Variants in SLC24A2 observed in about 807,000 individuals in gnomAD.
SLC24A2 encodes the protein sodium/potassium/calcium exchanger 2.
SLC24A2 carries 36 observed loss-of-function variants against 62.0 expected under a neutral mutation model. That is an observed-to-expected ratio of 0.58 (90% CI 0.44 to 0.77). The LOEUF (loss-of-function observed/expected upper bound fraction) is 0.77, where lower values mean the gene tolerates loss of function less well. Ranked by LOEUF, SLC24A2 falls within the 30% of genes least tolerant of loss-of-function variation. The pLI is 0.00. For synonymous variants in SLC24A2, 358 were observed against 294.0 expected (o/e 1.22, Z -2.23); for missense variants, 846 against 817.9 (o/e 1.03, Z -0.42).
the SLC24A2 span, among the ~76,000 whole-genome samples, chr9:20,072,595 T>C: frequency 3.9e-5 from 6 of 152,094 alleles, no homozygotes; most frequent in Non-Finnish European, 7.4e-5. Context: ...GCAGATATGA[T>C]TAAGTCAGAT....
At chr9:19,589,070 G>A (rs1836467469) in intron 5 of SLC24A2, among the ~76,000 whole-genome samples, 1 of 152,184 alleles carries the variant, frequency 6.6e-6, no homozygotes, top group Non-Finnish European at 1.5e-5. Context: ...ATTTTGAAAT[G>A]TGTATACTCT....
At chr9:19,820,514 T>C in the SLC24A2 span, among the ~76,000 whole-genome samples, 1 of 150,904 alleles carries the variant, frequency 6.6e-6, no homozygotes, top group Non-Finnish European at 1.5e-5. Flanking sequence ...CCCAAAAACC[T>C]ATGGAAATAA....
chr9:19,570,339 C>T (rs994798246), intron 7 of SLC24A2, among the ~76,000 whole-genome samples: 7 of 152,176 alleles, frequency 4.6e-5, no homozygotes, highest in Admixed American at 1.3e-4. Context: ...CTTTGAGGGA[C>T]AAACTCCGAC....
chr9:20,153,043 T>C, the SLC24A2 span, among the ~76,000 whole-genome samples: 3 of 151,916 alleles, frequency 2.0e-5, no homozygotes, highest in Non-Finnish European at 2.9e-5. Flanking sequence ...AGTTAAAACA[T>C]TTAAAAGCAA....
chr9:19,766,398 A>G (rs1261489888), intron 2 of SLC24A2, among the ~76,000 whole-genome samples: 1 of 152,166 alleles, frequency 6.6e-6, no homozygotes, highest in African/African-American at 2.4e-5. Flanking sequence ...TGGAATTTTT[A>G]GCCTACTTGC....
chr9:19,880,545 G>C, the SLC24A2 span, among the ~76,000 whole-genome samples: 1 of 152,214 alleles, frequency 6.6e-6, no homozygotes, highest in Non-Finnish European at 1.5e-5. Context: ...AAGTCAATGT[G>C]AAAATCTAGG....
chr9:19,524,418 C>CAAAAAAAAAAAAAAAGA (rs1833341773), intron 9 of SLC24A2, among the ~76,000 whole-genome samples: 1 of 119,056 alleles, frequency 8.4e-6, no homozygotes, highest in Non-Finnish European at 1.8e-5. Context: ...AAGATAAAGG[C>CAAAAAAAAAAAAAAAGA]AAAAAAAAAA....
the SLC24A2 span, among the ~76,000 whole-genome samples, chr9:19,851,414 A>T: frequency 6.6e-6 from 1 of 151,902 alleles, no homozygotes; most frequent in Non-Finnish European, 1.5e-5. Context: ...TGCCATGGTG[A>T]TTTGTTGCAC....
the SLC24A2 span, among the ~76,000 whole-genome samples, chr9:19,991,584 G>T: frequency 7.9e-5 from 12 of 152,136 alleles, no homozygotes; most frequent in Non-Finnish European, 1.6e-4. Flanking sequence ...GAATTCTCTG[G>T]GTGCCTTGAA....
chr9:19,986,838 A>G, the SLC24A2 span, among the ~76,000 whole-genome samples: 1 of 152,280 alleles, frequency 6.6e-6, no homozygotes, highest in Non-Finnish European at 1.5e-5. Flanking sequence ...TGGGGTGATA[A>G]TAATGTGTTG....
intron 2 of SLC24A2, among the ~76,000 whole-genome samples, chr9:19,644,943 G>C (rs1420518733): frequency 2.0e-5 from 3 of 152,008 alleles, no homozygotes; most frequent in Non-Finnish European, 4.4e-5. Flanking sequence ...CATGCATTAA[G>C]CATAAATTGG....
chr9:19,552,151 T>G (rs1286537055), intron 7 of SLC24A2, among the ~76,000 whole-genome samples: 4 of 152,240 alleles, frequency 2.6e-5, no homozygotes, highest in Admixed American at 6.5e-5. Context: ...TCCATTGCTT[T>G]CTTTCTTCCA....
the SLC24A2 span, among the ~76,000 whole-genome samples, chr9:20,082,081 C>G: frequency 3.9e-5 from 6 of 152,178 alleles, no homozygotes; most frequent in African/African-American, 1.4e-4. Flanking sequence ...CTCCATCAAT[C>G]TTATGCCAAA....
the SLC24A2 span, among the ~76,000 whole-genome samples, chr9:20,153,030 T>G: frequency 5.3e-5 from 8 of 151,810 alleles, no homozygotes; most frequent in Non-Finnish European, 1.2e-4. Context: ...CAAACAGAGC[T>G]TAAGTTAAAA....
At chr9:19,943,658 A>G in the SLC24A2 span, among the ~76,000 whole-genome samples, 3 of 152,206 alleles carry the variant, frequency 2.0e-5, no homozygotes, top group African/African-American at 7.2e-5. Flanking sequence ...ATGTTCTGCT[A>G]ATCTATCTGT....
chr9:19,838,876 C>T, the SLC24A2 span, among the ~76,000 whole-genome samples: 13,169 of 151,588 alleles, frequency 0.087, 631 homozygotes, highest in African/African-American at 0.14. Context: ...CAACAAAAGC[C>T]GAAATTGACA....
chr9:19,763,783 T>C (rs1822421910), intron 2 of SLC24A2, among the ~76,000 whole-genome samples: 3 of 152,196 alleles, frequency 2.0e-5, no homozygotes, highest in African/African-American at 7.2e-5. Flanking sequence ...CTTTTTTTGT[T>C]GTGTCTCTGC....
the SLC24A2 span, among the ~76,000 whole-genome samples, chr9:19,832,618 C>G: frequency 2.2e-4 from 33 of 152,166 alleles, no homozygotes; most frequent in South Asian, 1.9e-3. Flanking sequence ...TTAAATGTTA[C>G]ACCTAAAACC....
At chr9:19,972,363 C>T in the SLC24A2 span, among the ~76,000 whole-genome samples, 20 of 152,118 alleles carry the variant, frequency 1.3e-4, no homozygotes, top group Admixed American at 3.3e-4. Context: ...GTGCTAATTC[C>T]TTAGAGGTTC....
Sources: gnomAD v4.1 joint callset for allele counts (sites outside exome capture counted in the v4.1 genomes callset) on GRCh38, gnomAD v4.1.1 for gene constraint, MANE v1.5 for transcripts, NCBI Gene and HGNC (gene_info 2026-07-23, HGNC 2026-07-21) for gene names.